MUC17: variants seen among roughly 807,000 people sequenced by gnomAD.
The protein encoded by MUC17 is mucin 17, cell surface associated.
In MUC17, 190 loss-of-function variants were observed where a neutral mutation model predicts 170.3. The observed-to-expected ratio is 1.12, with a 90% CI of 0.99 to 1.26. The LOEUF (loss-of-function observed/expected upper bound fraction) is 1.26. Among genes scored for constraint, MUC17 ranks in the 50% most tolerant of loss-of-function variants. The probability of loss-of-function intolerance (pLI) is 0.00; values close to 1 mark genes in which losing one functional copy is unlikely to be tolerated. For synonymous variants in MUC17, 2,325 were observed against 2,002.5 expected (o/e 1.16, Z -4.30); for missense variants, 6,415 against 5,530.0 (o/e 1.16, Z -5.08).
chr7:101,041,962 A>G lies in MUC17; in HGVS notation c.10546A>G (p.Ser3516Gly). 6.2e-7 allele frequency: 1 copy of G among 1,613,298 alleles called. No homozygotes were observed. Among genetic ancestry groups the G allele is most frequent in the Non-Finnish European group, 8.5e-7 (1 of 1,179,792 alleles). ...SMPTSTAGEG[S>G]TPLTNMPVST... is the part of the protein sequence containing the mutation. The stretch of plus-strand genomic sequence containing the variant: ...GCCAACATCAACTGCTGGTGAAGGA[A>G]GCACTCCATTAACAAATATGCCTGT... Residue 3516 changes from serine (S) to glycine (G), a missense_variant, in exon 3 of 13, where the codon AGC becomes GGC. By Grantham distance (56) the Ser-to-Gly change is moderately conservative. Transcript: ENST00000306151.
chr7:101,039,750 C>T lies in MUC17; in HGVS notation c.8334C>T (p.Thr2778=). ...CCGTTTCAACAACTGCTGTTGACAC[C>T]AGCATACCTGTCACCACTTCTACTG... ...ASTVSTTAVD[T]SIPVTTSTEA... The change falls in exon 3 of 13, where the codon ACC becomes ACT. Residue 2778 remains threonine, a synonymous_variant. Coordinates refer to ENST00000306151, the MANE Select transcript of MUC17 (RefSeq NM_001040105.2). The T allele has an allele frequency of 6.2e-7, 1 of 1,610,370 alleles. No homozygotes were observed. Among genetic ancestry groups the T allele is most frequent in the Non-Finnish European group, 8.5e-7 (1 of 1,177,918 alleles).
intron 1 of MUC17, among the ~76,000 whole-genome samples, chr7:101,023,113 G>A (rs910602420): frequency 1.3e-5 from 2 of 152,108 alleles, no homozygotes; most frequent in African/African-American, 4.8e-5. Flanking sequence ...CGGGTGGTTG[G>A]TGGCAATCTC....
chr7:101,049,504 C>A, intron 6 of MUC17, 122 bp downstream of exon 6: 1 of 1,323,924 alleles, frequency 7.6e-7, no homozygotes, highest in Non-Finnish European at 1.0e-6. Context: ...AGAATACCAC[C>A]GATGGGGCGG....
At position 101,058,045 on chromosome 7, in the gene MUC17, G is replaced by C. The variant is rs151258613; in HGVS notation, c.*1G>C. On this transcript the variant is annotated 3_prime_UTR_variant, in exon 13 of 13. Transcript: ENST00000306151. ...TCAGGTAATGACGACATCATTTTAAGGCATGGAGCTGAGAAGTCTGGGAGT... is the reference window on the plus strand; with the variant it reads ...TCAGGTAATGACGACATCATTTTAACGCATGGAGCTGAGAAGTCTGGGAGT... 3.3e-5 allele frequency: 54 copies of C among 1,613,860 alleles called. 1 individual carries two copies. The African/African-American group carries it at 6.7e-4, about 20-fold the overall frequency.
intron 1 of MUC17, among the ~76,000 whole-genome samples, chr7:101,028,018 C>G (rs149951006): frequency 1.9e-3 from 291 of 151,512 alleles, no homozygotes; most frequent in African/African-American, 6.6e-3. Flanking sequence ...AGTGATCTGC[C>G]TGTCTGGGCT....
At position 101,032,339 on chromosome 7, in the gene MUC17, C is replaced by G; in HGVS notation, c.923C>G (p.Thr308Ser). The change falls in exon 3 of 13, where the codon ACT becomes AGT. Residue 308 changes from threonine (T) to serine (S), a missense_variant. Coordinates refer to ENST00000306151, the MANE Select transcript of MUC17 (RefSeq NM_001040105.2). ...GCTGCCACCAACATTCCTGTGATCA[C>G]TTCTACTGAAGCCAGTTCATCTCCT... Reference protein sequence around the residue: ...TPAATNIPVITSTEASSSPTT... With the variant: ...TPAATNIPVISSTEASSSPTT... 1 of 1,613,878 alleles carries G rather than the reference C, an allele frequency of 6.2e-7. No individual in the cohort carries two copies. The highest frequency in any genetic ancestry group is 1.3e-5 in the African/African-American group (1 of 74,930).
chr7:101,049,074 G>A (rs1417336757), intron 5 of MUC17, 102 bp downstream of exon 5: 21 of 1,548,118 alleles, frequency 1.4e-5, no homozygotes, highest in South Asian at 8.3e-5. Context: ...TTAGATGTGC[G>A]GGAGTTCTCT....
chr7:101,031,802 T>C lies in MUC17; in HGVS notation c.386T>C (p.Phe129Ser). 1.9e-6 allele frequency: 3 copies of C among 1,611,026 alleles called. No homozygotes were observed. Among genetic ancestry groups the C allele is most frequent in the Non-Finnish European group, 2.5e-6 (3 of 1,177,230 alleles). Reference protein sequence around the residue: ...SESTSDSTTLFPSSTEDTSSP... With the variant: ...SESTSDSTTLSPSSTEDTSSP... The stretch of plus-strand genomic sequence containing the variant: ...TCTACCAGTGACAGCACCACACTTT[T>C]CCCCAGTTCTACTGAAGACACTTCA... Residue 129 changes from phenylalanine (F) to serine (S), a missense_variant, in exon 3 of 13, where the codon TTC (phenylalanine) becomes TCC (serine). Transcript: ENST00000306151.
chr7:101,052,573 G>A (rs1333417657), intron 9 of MUC17, among the ~76,000 whole-genome samples: 1 of 152,148 alleles, frequency 6.6e-6, no homozygotes, highest in Non-Finnish European at 1.5e-5. Flanking sequence ...GGGAAGAAGA[G>A]CTTCAGGGGT....
chr7:101,043,043 T>TA lies in MUC17; in HGVS notation c.11629dup (p.Thr3877AsnfsTer12). ...ATTACCAGTGAAAGAAGCACTCCAT[T>TA]AACAACTCTCCTTGTCAGCACCACA... On this transcript the variant is annotated frameshift_variant, in exon 3 of 13. Transcript: ENST00000306151. LOFTEE classifies it high-confidence loss of function. The TA allele has an allele frequency of 6.2e-7, 1 of 1,614,098 alleles. No homozygotes were observed.
chr7:101,054,521 C>A (rs1380786619), intron 11 of MUC17, among the ~76,000 whole-genome samples: 1 of 151,918 alleles, frequency 6.6e-6, no homozygotes, highest in South Asian at 2.1e-4. Context: ...CACAAAGAGG[C>A]AGGAAAGGGA....
At chr7:101,055,005 G>A (rs539828772) in intron 11 of MUC17, among the ~76,000 whole-genome samples, 78 of 151,998 alleles carry the variant, frequency 5.1e-4, no homozygotes, top group Non-Finnish European at 9.1e-4. Context: ...CCACCTGGGA[G>A]GCTGAGGCAG....
In MUC17 at chr7:101,043,754, T is replaced by A; in HGVS notation, c.12338T>A (p.Val4113Asp). ...TTCCCCACGGTGACCACCACCGCTGTCCCCACGAATACTACAATTAAGAGC... is the reference window on the plus strand; with the variant it reads ...TTCCCCACGGTGACCACCACCGCTGACCCCACGAATACTACAATTAAGAGC... ...TSFPTVTTTA[V>D]PTNTTIKSNP... The change falls in exon 3 of 13, where the codon GTC becomes GAC. Residue 4113 changes from valine to aspartate, a missense_variant. By Grantham distance (152) the Val-to-Asp change is radical. Transcript: ENST00000306151. 6.2e-7 allele frequency: 1 copy of A among 1,614,010 alleles called. No homozygotes were observed. The highest frequency in any genetic ancestry group is 8.5e-7 in the Non-Finnish European group (1 of 1,179,952).
chr7:101,027,408 CAA>C (rs1794200790), intron 1 of MUC17, among the ~76,000 whole-genome samples: 1 of 152,098 alleles, frequency 6.6e-6, no homozygotes, highest in Non-Finnish European at 1.5e-5. Context: ...GCTGGGATTA[CAA>C]GCATGAACCA....
At position 101,041,305 on chromosome 7, in the gene MUC17, G is replaced by T. The variant is rs1794693434; in HGVS notation, c.9889G>T (p.Glu3297Ter). ...CAGCACCACAACGGTGGCCAGTTCTGAAACGAGCACCCTTTCAACAACTCC... is the reference window on the plus strand; with the variant it reads ...CAGCACCACAACGGTGGCCAGTTCTTAAACGAGCACCCTTTCAACAACTCC... ...PVSTTTVASSETSTLSTTPAD... is the reference protein window; with the variant it reads ...PVSTTTVASS Residue 3297 changes from glutamate to a stop codon, truncating the protein, a stop_gained, in exon 3 of 13, where the codon GAA becomes TAA. Coordinates refer to ENST00000306151, the MANE Select transcript of MUC17 (RefSeq NM_001040105.2). LOFTEE classifies it high-confidence loss of function. 3 of 1,610,936 alleles carry T rather than the reference G, an allele frequency of 1.9e-6. No homozygotes were observed. Among genetic ancestry groups the T allele is most frequent in the Non-Finnish European group, 1.7e-6 (2 of 1,178,190 alleles).
intron 1 of MUC17, among the ~76,000 whole-genome samples, chr7:101,025,022 A>G (rs1177402577): frequency 1.3e-5 from 2 of 151,600 alleles, no homozygotes; most frequent in Non-Finnish European, 2.9e-5. Flanking sequence ...CCACGTCTCT[A>G]AAAAAAAGAA....
chr7:101,020,630 A>G (rs1584852611), intron 1 of MUC17, among the ~76,000 whole-genome samples: 1 of 151,532 alleles, frequency 6.6e-6, no homozygotes, highest in Admixed American at 6.6e-5. Context: ...AGTCCCTGTC[A>G]CCTCCCACAC....
intron 1 of MUC17, among the ~76,000 whole-genome samples, chr7:101,029,585 T>A (rs1266089310): frequency 6.6e-6 from 1 of 151,878 alleles, no homozygotes; most frequent in Non-Finnish European, 1.5e-5. Context: ...TTCCGTTTTT[T>A]AATTAATTTA....
chr7:101,040,912 T>C lies in MUC17; in HGVS notation c.9496T>C (p.Leu3166=). 1 of 1,612,872 alleles carries C rather than the reference T, an allele frequency of 6.2e-7. No homozygotes were observed. Among genetic ancestry groups the C allele is most frequent in the Non-Finnish European group, 8.5e-7 (1 of 1,179,786 alleles). ...AACTCCTAGTGAAGGAAGTACTCCATTAACATATATGCCTGTCAGCACCAT... is the reference window on the plus strand; with the variant it reads ...AACTCCTAGTGAAGGAAGTACTCCACTAACATATATGCCTGTCAGCACCAT... ...TSTPSEGSTP[L]TYMPVSTMLV... The change falls in exon 3 of 13, where the codon TTA becomes CTA. Residue 3166 remains leucine (L), a synonymous_variant. Coordinates refer to ENST00000306151, the MANE Select transcript of MUC17 (RefSeq NM_001040105.2).
Sources: gnomAD v4.1 joint callset for allele counts (sites outside exome capture counted in the v4.1 genomes callset) on GRCh38, gnomAD v4.1.1 for gene constraint, MANE v1.5 for transcripts, NCBI Gene and HGNC (gene_info 2026-07-23, HGNC 2026-07-21) for gene names.